Variants in CNTNAP2 observed in about 807,000 individuals in gnomAD.
CNTNAP2 encodes the protein contactin-associated protein-like 2.
A neutral mutation model predicts 155.2 loss-of-function variants in CNTNAP2; 98 were observed. The ratio of observed to expected loss-of-function variants is 0.63; its 90% CI spans 0.54 to 0.75. CNTNAP2 has a LOEUF of 0.75. Ranked by LOEUF, CNTNAP2 falls within the 30% of genes least tolerant of loss-of-function variation. The pLI is 0.00. For missense variants in CNTNAP2, 1,727 were observed against 1,688.1 expected, an observed-to-expected ratio of 1.02 and a Z score of -0.40; for synonymous variants, 651 against 631.2, an observed-to-expected ratio of 1.03 and a Z score of -0.47.
chr7:148,109,732 C>T (rs1011601134), intron 15 of CNTNAP2, among the ~76,000 whole-genome samples: 2 of 152,196 alleles, frequency 1.3e-5, no homozygotes, highest in African/African-American at 2.4e-5. Context: ...TCAACTCAAA[C>T]TTACAAAGTT....
intron 15 of CNTNAP2, among the ~76,000 whole-genome samples, chr7:148,099,193 C>G (rs58733100): frequency 0.055 from 8,323 of 152,134 alleles, 751 homozygotes; most frequent in African/African-American, 0.19. Context: ...GAAAAGTGGA[C>G]ATAATAACAG....
At chr7:146,972,635 G>T (rs994233238) in intron 3 of CNTNAP2, among the ~76,000 whole-genome samples, 1 of 152,156 alleles carries the variant, frequency 6.6e-6, no homozygotes, top group Non-Finnish European at 1.5e-5. Context: ...GCCTTTGTGG[G>T]TGATTTATTC....
rs192392216 is a variant in CNTNAP2, at chr7:147,822,353, A to G, written c.2099-81212A>G. Reference sequence around the variant, plus strand: ...ATCTGTGTGTTGGTTTAGCAAATACATATCAAAAATTCTTACATGAAAAGC... The same window carrying G: ...ATCTGTGTGTTGGTTTAGCAAATACGTATCAAAAATTCTTACATGAAAAGC... On this transcript the variant is annotated intron_variant, in intron 13 of 23. Transcript: ENST00000361727. Among the ~76,000 whole-genome samples the G allele has an allele frequency of 5.9e-5, 9 of 152,336 alleles. No individual in the cohort carries two copies. The East Asian group carries it at 1.3e-3, about 23-fold the overall frequency.
chr7:148,086,397 A>T (rs1803729783), intron 15 of CNTNAP2, among the ~76,000 whole-genome samples: 1 of 152,212 alleles, frequency 6.6e-6, no homozygotes, highest in African/African-American at 2.4e-5. Context: ...TGCTCCAACA[A>T]ATTAAATTTT....
Position 146,705,888 on chromosome 7 carries a change from A to G in CNTNAP2, c.98-68383A>G, listed in dbSNP as rs1374752002. Among the ~76,000 whole-genome samples the G allele has an allele frequency of 5.9e-5, 9 of 152,150 alleles. No individual in the cohort carries two copies. The East Asian group carries it at 1.4e-3, about 23-fold the overall frequency. The stretch of plus-strand genomic sequence containing the variant: ...TGGGGACACAGCCAAGCTATATCAT[A>G]TGGTATCCAACTCATTCTTAGGATT... On this transcript the variant is annotated intron_variant, in intron 1 of 23. Transcript: ENST00000361727.
At chr7:148,154,368 A>G (rs1805361633) in intron 17 of CNTNAP2, among the ~76,000 whole-genome samples, 1 of 152,176 alleles carries the variant, frequency 6.6e-6, no homozygotes, top group South Asian at 2.1e-4. Flanking sequence ...CGTATAAGCA[A>G]CTACAGACTG....
rs115291547 is a variant in CNTNAP2, at chr7:147,155,234, G to A, written c.1348+22725G>A. 3.3e-3 allele frequency among the ~76,000 whole-genome samples: 505 copies of A among 152,268 alleles called. 3 individuals carry two copies. The highest frequency in any genetic ancestry group is 0.012 in the African/African-American group (487 of 41,560). On this transcript the variant is annotated intron_variant, in intron 8 of 23. Transcript: ENST00000361727. ...AGATCCCTTGAGCCTTCTGCCATGT[G>A]AGGACACAGTGAGAAGACAGGCATC... is the stretch of plus-strand genomic sequence containing the variant.
At chr7:146,302,907 A>G (rs543437038) in intron 1 of CNTNAP2, among the ~76,000 whole-genome samples, 12 of 152,198 alleles carry the variant, frequency 7.9e-5, no homozygotes, top group African/African-American at 2.9e-4. Flanking sequence ...TGACCTTTGT[A>G]ATAAATGTAT....
rs1039280281 is a variant in CNTNAP2 at position 146,405,787 on chromosome 7, T to A, written c.97+288814T>A. The stretch of plus-strand genomic sequence containing the variant: ...ATCATTTTAACATTTAGCTATAAGA[T>A]ATACAAATCATATTTACACCTACTG... On this transcript the variant is annotated intron_variant, in intron 1 of 23. Coordinates refer to ENST00000361727, the MANE Select transcript of CNTNAP2 (RefSeq NM_014141.6). 2.0e-5 allele frequency among the ~76,000 whole-genome samples: 3 copies of A among 152,216 alleles called. No individual in the cohort carries two copies. In the East Asian group the frequency reaches 5.8e-4, roughly 29 times the overall value.
intron 15 of CNTNAP2, among the ~76,000 whole-genome samples, chr7:148,051,306 T>C (rs186020437): frequency 2.4e-4 from 36 of 152,312 alleles, no homozygotes; most frequent in Middle Eastern, 3.4e-3. Flanking sequence ...AGCAGTAGCA[T>C]TTGGCAGCAA....
At chr7:146,657,220 A>G (rs910344335) in intron 1 of CNTNAP2, among the ~76,000 whole-genome samples, 16 of 152,146 alleles carry the variant, frequency 1.1e-4, no homozygotes, top group African/African-American at 3.9e-4. Context: ...AATAGATGGC[A>G]TATTCTTCTC....
chr7:148,175,375 C>A (rs548398804), intron 18 of CNTNAP2, among the ~76,000 whole-genome samples: 1 of 152,156 alleles, frequency 6.6e-6, no homozygotes, highest in South Asian at 2.1e-4. Context: ...TATCTCTGGT[C>A]ATAAAATATC....
intron 15 of CNTNAP2, among the ~76,000 whole-genome samples, chr7:148,050,623 G>A (rs561760232): frequency 2.1e-4 from 32 of 152,282 alleles, no homozygotes; most frequent in African/African-American, 7.0e-4. Flanking sequence ...TAAGTATACA[G>A]TATTTTTTAA....
chr7:146,858,020 A>G (rs1795024857), intron 3 of CNTNAP2, among the ~76,000 whole-genome samples: 1 of 152,206 alleles, frequency 6.6e-6, no homozygotes, highest in African/African-American at 2.4e-5. Context: ...GTGGAAAGAA[A>G]GAAGACGTGA....
At chr7:147,492,437 A>G (rs1397670917) in intron 11 of CNTNAP2, among the ~76,000 whole-genome samples, 1 of 152,238 alleles carries the variant, frequency 6.6e-6, no homozygotes, top group Admixed American at 6.5e-5. Flanking sequence ...AGATATGTTT[A>G]AATATTGACT....
chr7:146,480,807 C>T (rs1268390252), intron 1 of CNTNAP2, among the ~76,000 whole-genome samples: 8 of 150,930 alleles, frequency 5.3e-5, no homozygotes, highest in African/African-American at 1.5e-4. Context: ...CTCAGCCTCC[C>T]GAGTAGCTGG....
intron 1 of CNTNAP2, among the ~76,000 whole-genome samples, chr7:146,511,889 G>C (rs992250105): frequency 7.9e-5 from 12 of 152,074 alleles, no homozygotes; most frequent in Non-Finnish European, 1.3e-4. Flanking sequence ...GAGTTCAGCA[G>C]TTCTCATTAA....
chr7:146,898,835 C>T (rs533899203), intron 3 of CNTNAP2, among the ~76,000 whole-genome samples: 6 of 151,580 alleles, frequency 4.0e-5, no homozygotes, highest in Middle Eastern at 6.8e-3. Context: ...AGGGGCCAGC[C>T]CTCTCTACTT....
At chr7:147,670,162 C>A (rs143423195) in intron 13 of CNTNAP2, among the ~76,000 whole-genome samples, 2,507 of 152,250 alleles carry the variant, frequency 0.016, 222 homozygotes, top group Admixed American at 0.15. Context: ...AAACAGTCTC[C>A]TGTAATTCTG....
Sources: gnomAD v4.1 joint callset for allele counts (sites outside exome capture counted in the v4.1 genomes callset) on GRCh38, gnomAD v4.1.1 for gene constraint, MANE v1.5 for transcripts, NCBI Gene and HGNC (gene_info 2026-07-23, HGNC 2026-07-21) for gene names.